Variants in CMKLR1 observed in about 807,000 individuals in gnomAD.
CMKLR1 encodes chemerin-like receptor 1.
CMKLR1 carries 6 observed loss-of-function variants against 8.2 expected under a neutral mutation model. The observed-to-expected ratio is 0.73, with a 90% CI of 0.40 to 1.44. The LOEUF (loss-of-function observed/expected upper bound fraction) is 1.44. Among genes scored for constraint, CMKLR1 ranks in the 40% most tolerant of loss-of-function variants. The pLI is 0.02. For synonymous variants in CMKLR1, 178 were observed against 181.2 expected (o/e 0.98, Z 0.14); for missense variants, 429 against 478.0 (o/e 0.90, Z 0.96).
intron 2 of CMKLR1, among the ~76,000 whole-genome samples, chr12:108,299,599 T>C (rs767518736): frequency 6.6e-6 from 1 of 152,116 alleles, no homozygotes; most frequent in Non-Finnish European, 1.5e-5. Context: ...GATCTCATGA[T>C]GAGATCATCC....
In CMKLR1 at chr12:108,311,081, A is replaced by G. The variant is rs142576293; in HGVS notation, c.-73-17417T>C. 3.1e-4 allele frequency among the ~76,000 whole-genome samples: 47 copies of G among 152,124 alleles called. No individual in the cohort carries two copies. In the East Asian group the frequency reaches 8.1e-3, roughly 26 times the overall value. On this transcript the variant is annotated intron_variant, in intron 2 of 3. Coordinates refer to ENST00000550402, the MANE Select transcript of CMKLR1 (RefSeq NM_001142343.2). ...TTGATGCCAGATACACACTGCTGCTATGCCTTCAATTCCACCATCAGGGTC... is the reference window on the plus strand; with the variant it reads ...TTGATGCCAGATACACACTGCTGCTGTGCCTTCAATTCCACCATCAGGGTC...
chr12:108,303,694 G>A (rs1891335272), intron 2 of CMKLR1, among the ~76,000 whole-genome samples: 1 of 152,120 alleles, frequency 6.6e-6, no homozygotes, highest in South Asian at 2.1e-4. Flanking sequence ...CCTCCCAAGG[G>A]CCCCCAGAAA....
chr12:108,331,647 G>A (rs1566031125), intron 1 of CMKLR1, among the ~76,000 whole-genome samples: 1 of 152,190 alleles, frequency 6.6e-6, no homozygotes, highest in Non-Finnish European at 1.5e-5. Flanking sequence ...GAGATGGTGG[G>A]ATTATGCTGG....
At position 108,292,813 on chromosome 12, in the gene CMKLR1, G is replaced by T; in HGVS notation, c.150C>A (p.Val50=). ...RIFLVVVYSI[V]CFLGILGNGL... ...CATTGCCCAGAATCCCGAGGAAGCA[G>T]ACGATGCTGTAGACCACCACCAGGA... The change falls in exon 4 of 4, where the codon GTC becomes GTA. Residue 50 remains valine (V), a synonymous_variant. Transcript: ENST00000550402. 1.9e-6 allele frequency: 3 copies of T among 1,614,190 alleles called. No individual in the cohort carries two copies. The highest frequency in any genetic ancestry group is 2.5e-6 in the Non-Finnish European group (3 of 1,180,036).
chr12:108,313,738 A>G (rs1414280712), intron 2 of CMKLR1, among the ~76,000 whole-genome samples: 1 of 152,258 alleles, frequency 6.6e-6, no homozygotes, highest in Non-Finnish European at 1.5e-5. Context: ...ATGTTTAAAG[A>G]GAGCTATGTC....
At position 108,305,109 on chromosome 12, in the gene CMKLR1, G is replaced by A. The variant is rs182016695; in HGVS notation, c.-73-11445C>T. ...CCTCGGAGGACCATCTCTTGTAGCA[G>A]GGGAAACTAAGGCCCAGAGAGTGCA... On this transcript the variant is annotated intron_variant, in intron 2 of 3. Coordinates refer to ENST00000550402, the MANE Select transcript of CMKLR1 (RefSeq NM_001142343.2). 3.1e-3 allele frequency among the ~76,000 whole-genome samples: 473 copies of A among 152,322 alleles called. 3 individuals are homozygous for A. Among genetic ancestry groups the A allele is most frequent in the African/African-American group, 0.011 (447 of 41,576 alleles).
intron 1 of CMKLR1, among the ~76,000 whole-genome samples, chr12:108,331,861 A>G (rs925364298): frequency 1.3e-5 from 2 of 152,168 alleles, no homozygotes; most frequent in African/African-American, 4.8e-5. Context: ...AAGAGATGCA[A>G]TCTTTGATTT....
rs181680440 is a variant in CMKLR1, at chr12:108,300,945, G to A, written c.-73-7281C>T. ...ATTATACGCATTTTCAGACAGGGAGGGACACAGAGGCTCAGGGGGTGAAAA... is the reference window on the plus strand; with the variant it reads ...ATTATACGCATTTTCAGACAGGGAGAGACACAGAGGCTCAGGGGGTGAAAA... On this transcript the variant is annotated intron_variant, in intron 2 of 3. Coordinates refer to ENST00000550402, the MANE Select transcript of CMKLR1 (RefSeq NM_001142343.2). Among the ~76,000 whole-genome samples, 421 of 152,236 alleles carry A rather than the reference G, an allele frequency of 2.8e-3. 2 individuals carry two copies. Among genetic ancestry groups the A allele is most frequent in the Non-Finnish European group, 5.2e-3 (354 of 68,026 alleles).
chr12:108,295,648 T>G (rs777826608), intron 2 of CMKLR1, among the ~76,000 whole-genome samples: 1 of 152,150 alleles, frequency 6.6e-6, no homozygotes, highest in South Asian at 2.1e-4. Flanking sequence ...AGGACAAGTA[T>G]GAGTTAAGAA....
intron 2 of CMKLR1, among the ~76,000 whole-genome samples, chr12:108,307,163 G>A (rs1891430963): frequency 6.6e-6 from 1 of 152,212 alleles, no homozygotes. Flanking sequence ...TAATCCCCAA[G>A]CTATGAACAC....
chr12:108,325,117 G>A (rs1201999180), intron 2 of CMKLR1, among the ~76,000 whole-genome samples: 1 of 152,186 alleles, frequency 6.6e-6, no homozygotes, highest in Admixed American at 6.5e-5. Flanking sequence ...GCTGTGGAAG[G>A]TGCACTGGGA....
At chr12:108,337,991 CT>C (rs1227408156) in intron 1 of CMKLR1, among the ~76,000 whole-genome samples, 1 of 152,186 alleles carries the variant, frequency 6.6e-6, no homozygotes, top group African/African-American at 2.4e-5. Context: ...AAGTTGAGGG[CT>C]TTCCCTAATA....
chr12:108,337,766 G>C (rs886821403), intron 1 of CMKLR1, among the ~76,000 whole-genome samples: 3 of 152,268 alleles, frequency 2.0e-5, no homozygotes, highest in Admixed American at 2.0e-4. Flanking sequence ...CCAAGTGTAT[G>C]ACACATCATC....
rs369780770 is a variant in CMKLR1 at position 108,292,346 on chromosome 12, T to C, written c.617A>G (p.His206Arg). The C allele has an allele frequency of 1.9e-6, 3 of 1,613,516 alleles. No individual in the cohort carries two copies. The highest frequency in any genetic ancestry group is 3.3e-5 in the Admixed American group (2 of 59,962). ...STPGSSSWPTHSQMDPVGYSR... is the reference protein window; with the variant it reads ...STPGSSSWPTRSQMDPVGYSR... Reference sequence around the variant, plus strand: ...ATACCCCACAGGGTCCATTTGGGAGTGAGTGGGCCACGAGGAAGACCCAGG... The same window carrying C: ...ATACCCCACAGGGTCCATTTGGGAGCGAGTGGGCCACGAGGAAGACCCAGG... Residue 206 changes from histidine (H) to arginine (R), a missense_variant, in exon 4 of 4, where the codon CAC (histidine) becomes CGC (arginine). Transcript: ENST00000550402.
intron 2 of CMKLR1, among the ~76,000 whole-genome samples, chr12:108,297,111 G>A (rs1891159027): frequency 6.6e-6 from 1 of 152,088 alleles, no homozygotes; most frequent in African/African-American, 2.4e-5. Context: ...ACTTATTTGT[G>A]AATTTTCTTC....
At position 108,330,190 on chromosome 12, in the gene CMKLR1, T is replaced by C. The variant is rs1458177013; in HGVS notation, c.-269A>G. ...CCTCCTGGTAGAAAAATCCAAGCAG[T>C]TCTGCTGGAGAGATGGGCTACAGAG... On this transcript the variant is annotated 5_prime_UTR_variant, in exon 2 of 4. Coordinates refer to ENST00000550402, the MANE Select transcript of CMKLR1 (RefSeq NM_001142343.2). 6.6e-6 allele frequency: 1 copy of C among 152,144 alleles called. No individual in the cohort carries two copies. Among genetic ancestry groups the C allele is most frequent in the Non-Finnish European group, 1.5e-5 (1 of 68,058 alleles). The allele number at this position is 152,144 out of a possible 1,614,324, so 9.4% of individuals were successfully genotyped here.
At chr12:108,327,481 T>C (rs1892005090) in intron 2 of CMKLR1, among the ~76,000 whole-genome samples, 1 of 152,156 alleles carries the variant, frequency 6.6e-6, no homozygotes, top group East Asian at 1.9e-4. Flanking sequence ...CCCTGTCTCT[T>C]AAAAGAGAGA....
At chr12:108,310,065 C>T (rs938479219) in intron 2 of CMKLR1, among the ~76,000 whole-genome samples, 2 of 152,012 alleles carry the variant, frequency 1.3e-5, no homozygotes, top group Non-Finnish European at 2.9e-5. Context: ...GGCATTTGAG[C>T]TGAGCCTTGG....
chr12:108,292,512 G>T lies in CMKLR1; in HGVS notation c.451C>A (p.Arg151Ser), dbSNP rs775214476. The T allele has an allele frequency of 6.2e-7, 1 of 1,614,168 alleles. No homozygotes were observed. Among genetic ancestry groups the T allele is most frequent in the Non-Finnish European group, 8.5e-7 (1 of 1,180,030 alleles). The change falls in exon 4 of 4, where the codon CGC (arginine) becomes AGC (serine). Residue 151 changes from arginine to serine, a missense_variant. Coordinates refer to ENST00000550402, the MANE Select transcript of CMKLR1 (RefSeq NM_001142343.2). ...GCCATGTAAGCCAGGCGAACGCTGC[G>T]GTGGTTCTGGGACCAGACAGGGAGG... ...VLLPVWSQNH[R>S]SVRLAYMACM...
Sources: allele counts gnomAD v4.1 joint callset (sites outside exome capture counted in the v4.1 genomes callset), GRCh38; gene constraint gnomAD v4.1.1; transcripts MANE v1.5; gene names NCBI Gene and HGNC (gene_info 2026-07-23, HGNC 2026-07-21).